APOO: variants seen among roughly 807,000 people sequenced by gnomAD.
APOO encodes MICOS complex subunit MIC26.
A neutral mutation model predicts 23.1 loss-of-function variants in APOO; 11 were observed. The observed-to-expected ratio is 0.48, with a 90% CI of 0.30 to 0.79. The LOEUF (loss-of-function observed/expected upper bound fraction) is 0.79, where lower values mean the gene tolerates loss of function less well. Ranked by LOEUF, APOO falls within the 30% of genes least tolerant of loss-of-function variation. APOO has a pLI of 0.07. For missense variants in APOO, 160 were observed against 142.7 expected, an observed-to-expected ratio of 1.12 and a Z score of -0.62; for synonymous variants, 59 against 54.8, an observed-to-expected ratio of 1.08 and a Z score of -0.34.
intron 1 of APOO, among the ~76,000 whole-genome samples, chrX:23,896,265 C>T (rs1279135694): frequency 9.9e-6 from 1 of 101,050 alleles, no homozygotes; most frequent in Non-Finnish European, 2.0e-5. Context: ...AAGACTCCGT[C>T]TCAAAAAAAA....
intron 7 of APOO, among the ~76,000 whole-genome samples, chrX:23,841,661 G>A (rs762351159): frequency 9.2e-6 from 1 of 108,864 alleles, no homozygotes; most frequent in African/African-American, 3.3e-5. Flanking sequence ...AGTGCTACAG[G>A]ACTGAGAATC....
intron 5 of APOO, among the ~76,000 whole-genome samples, chrX:23,859,505 G>A (rs777679170): frequency 6.4e-5 from 7 of 108,895 alleles, no homozygotes; most frequent in East Asian, 5.8e-4. Context: ...GTGCAATGGC[G>A]CAATCTTGGC....
chrX:23,898,084 T>C (rs1926981213), intron 1 of APOO, among the ~76,000 whole-genome samples: 1 of 107,507 alleles, frequency 9.3e-6, no homozygotes, highest in African/African-American at 3.4e-5. Context: ...TAGACATGGG[T>C]TTCATATCTC....
At chrX:23,868,453 C>A in intron 5 of APOO, 140 bp downstream of exon 5, 1 of 409,409 alleles carries the variant, frequency 2.4e-6, no homozygotes, top group South Asian at 6.5e-5. Context: ...ATATGATAAC[C>A]ATATCCATTA....
rs1923911476 is a variant in APOO, at chrX:23,840,361, T to C, written c.578A>G (p.Asn193Ser). 2.5e-6 allele frequency: 3 copies of C among 1,200,682 alleles called. No homozygotes were observed. The highest frequency in any genetic ancestry group is 3.4e-6 in the Non-Finnish European group (3 of 890,799). ...AGTTTTCTACTTAGTTCCAGGTGAATTCTTCACATTTCCTGGCTTTTAAAA... is the reference window on the plus strand; with the variant it reads ...AGTTTTCTACTTAGTTCCAGGTGAACTCTTCACATTTCCTGGCTTTTAAAA... ...ENFQKPGNVK[N>S]SPGTK The change falls in exon 8 of 9, where the codon AAT becomes AGT. Residue 193 changes from asparagine (N) to serine (S), a missense_variant. Coordinates refer to ENST00000379226, the MANE Select transcript of APOO (RefSeq NM_024122.5).
intron 5 of APOO, among the ~76,000 whole-genome samples, chrX:23,863,137 C>T (rs5925944): frequency 0.35 from 38,683 of 110,368 alleles, 7,756 homozygotes; most frequent in African/African-American, 0.77. Flanking sequence ...AGTTCAAGAC[C>T]AGCCTGGCCA....
chrX:23,875,248 G>A (rs1925792032), intron 3 of APOO, among the ~76,000 whole-genome samples: 2 of 105,884 alleles, frequency 1.9e-5, no homozygotes, highest in South Asian at 8.5e-4. Flanking sequence ...AAAAAAAAAA[G>A]GCTTTGTACA....
intron 1 of APOO, among the ~76,000 whole-genome samples, chrX:23,907,051 A>G (rs1927390296): frequency 8.9e-6 from 1 of 112,573 alleles, no homozygotes; most frequent in African/African-American, 3.2e-5. Context: ...CTTTTTAAAA[A>G]GTAGAATAAT....
chrX:23,889,877 G>T (rs1299367119), intron 1 of APOO, among the ~76,000 whole-genome samples: 1 of 109,663 alleles, frequency 9.1e-6, no homozygotes, highest in South Asian at 3.9e-4. Flanking sequence ...TAGCCAGGAT[G>T]GTCTCAATCT....
At chrX:23,906,019 T>C (rs1267286094) in intron 1 of APOO, among the ~76,000 whole-genome samples, 1 of 112,483 alleles carries the variant, frequency 8.9e-6, no homozygotes. Flanking sequence ...CCTTGTGTGG[T>C]TCCCCACCAT....
chrX:23,844,403 A>C (rs779361114), intron 7 of APOO, among the ~76,000 whole-genome samples: 1 of 111,328 alleles, frequency 9.0e-6, no homozygotes, highest in South Asian at 3.9e-4. Context: ...TAAGTTTACT[A>C]ATCAGTTGCC....
chrX:23,853,744 G>A (rs987855455), intron 7 of APOO, among the ~76,000 whole-genome samples: 1 of 110,207 alleles, frequency 9.1e-6, no homozygotes, highest in Non-Finnish European at 1.9e-5. Flanking sequence ...TCCTGCCTCA[G>A]CCTCCCAAGT....
chrX:23,840,998 AC>A (rs2146965309), intron 7 of APOO, among the ~76,000 whole-genome samples: 1 of 111,975 alleles, frequency 8.9e-6, no homozygotes, highest in South Asian at 3.7e-4. Context: ...CACGTGCTAA[AC>A]TTTTAAGGCC....
chrX:23,863,238 G>C (rs531712543), intron 5 of APOO, among the ~76,000 whole-genome samples: 2 of 112,161 alleles, frequency 1.8e-5, no homozygotes, highest in South Asian at 7.3e-4. Flanking sequence ...GGAGGTTGAG[G>C]CGTGAGAATC....
chrX:23,907,779 C>T lies in APOO; in HGVS notation c.-77G>A. 4 of 1,069,715 alleles carry T rather than the reference C, an allele frequency of 3.7e-6. No individual in the cohort carries two copies. Among genetic ancestry groups the T allele is most frequent in the South Asian group, 2.3e-5 (1 of 42,805 alleles). The allele number at this position is 1,069,715 out of a possible 1,213,427, so 88.2% of individuals were successfully genotyped here. ...ACTATAGAGAGGTGACTACGGAGGC[C>T]CGGTAGGGCCTTGATTTCTCCAACC... On this transcript the variant is annotated 5_prime_UTR_variant, in exon 1 of 9. Transcript: ENST00000379226.
chrX:23,856,527 A>G, intron 6 of APOO, 145 bp from the exon 7 acceptor site: 1 of 409,316 alleles, frequency 2.4e-6, no homozygotes, highest in East Asian at 4.5e-5. Flanking sequence ...AAAACATGGA[A>G]TCAACCTAAA....
In APOO at chrX:23,899,158, C is replaced by G. The variant is rs1034146230; in HGVS notation, c.9+8536G>C. Among the ~76,000 whole-genome samples, 4 of 111,921 alleles carry G rather than the reference C, an allele frequency of 3.6e-5. No individual in the cohort carries two copies. The Admixed American group carries it at 3.8e-4, about 11-fold the overall frequency. On this transcript the variant is annotated intron_variant, in intron 1 of 8. Coordinates refer to ENST00000379226, the MANE Select transcript of APOO (RefSeq NM_024122.5). ...GCCAGTGTGGGCTTTGAATAAAACACGCTGCATTGCTTCAAACAGCCAGAA... is the reference window on the plus strand; with the variant it reads ...GCCAGTGTGGGCTTTGAATAAAACAGGCTGCATTGCTTCAAACAGCCAGAA...
intron 1 of APOO, among the ~76,000 whole-genome samples, chrX:23,903,868 T>C (rs1421112442): frequency 9.0e-6 from 1 of 111,391 alleles, no homozygotes; most frequent in East Asian, 2.8e-4. Context: ...GGAATATCTC[T>C]CCCTTGCACA....
chrX:23,854,425 TCA>T (rs1181736966), intron 7 of APOO, among the ~76,000 whole-genome samples: 5 of 112,775 alleles, frequency 4.4e-5, no homozygotes, highest in African/African-American at 1.6e-4. Flanking sequence ...GCTTTTAGTC[TCA>T]CTTTCCACAT....
Sources: gnomAD v4.1 joint callset for allele counts (sites outside exome capture counted in the v4.1 genomes callset) on GRCh38, gnomAD v4.1.1 for gene constraint, MANE v1.5 for transcripts, NCBI Gene and HGNC (gene_info 2026-07-23, HGNC 2026-07-21) for gene names.